COG5: variants seen among roughly 807,000 people sequenced by gnomAD.
The protein encoded by COG5 is conserved oligomeric Golgi complex subunit 5.
Under a neutral mutation model 110.4 loss-of-function variants are expected in COG5, and 86 were observed. That is an observed-to-expected ratio of 0.78 (90% CI 0.65 to 0.93). The LOEUF is 0.93. COG5 is among the 40% of genes least tolerant of loss of function. The probability of loss-of-function intolerance (pLI) is 0.00; values close to 1 mark genes in which losing one functional copy is unlikely to be tolerated. For synonymous variants in COG5, 360 were observed against 334.6 expected, an observed-to-expected ratio of 1.08 and a Z score of -0.83; for missense variants, 1,077 against 987.0, an observed-to-expected ratio of 1.09 and a Z score of -1.22.
chr7:107,331,244 G>A (rs926947026), intron 10 of COG5, among the ~76,000 whole-genome samples: 11 of 152,102 alleles, frequency 7.2e-5, no homozygotes, highest in African/African-American at 2.4e-4. Context: ...GGGAGGCCGA[G>A]ATCACGAGGT....
intron 11 of COG5, among the ~76,000 whole-genome samples, chr7:107,311,370 A>ATTTTTTTTTTTTT (rs71134260): frequency 6.8e-5 from 4 of 58,950 alleles, no homozygotes; most frequent in Non-Finnish European, 1.2e-4. Context: ...GCGTATTTAC[A>ATTTTTTTTTTTTT]TTTTTTTTTT....
chr7:107,235,965 G>C (rs1801156269), intron 18 of COG5, among the ~76,000 whole-genome samples: 2 of 152,266 alleles, frequency 1.3e-5, no homozygotes, highest in African/African-American at 2.4e-5. Context: ...TACTCTACCT[G>C]ATAGAGAGAG....
intron 6 of COG5, among the ~76,000 whole-genome samples, chr7:107,446,066 C>T (rs2129089787): frequency 6.6e-6 from 1 of 152,190 alleles, no homozygotes; most frequent in East Asian, 1.9e-4. Context: ...GAGGGAGCAG[C>T]CATATTCACA....
chr7:107,563,342 C>T (rs1405031981), intron 1 of COG5: 1 of 257,614 alleles, frequency 3.9e-6, no homozygotes, highest in Non-Finnish European at 7.7e-6. Context: ...CTGTACAGTC[C>T]ATTTGTTAAA....
intron 11 of COG5, among the ~76,000 whole-genome samples, chr7:107,303,960 C>G (rs976493539): frequency 2.0e-5 from 3 of 152,022 alleles, no homozygotes; most frequent in Admixed American, 2.0e-4. Flanking sequence ...AAATTAATCA[C>G]TAGTGATTAC....
intron 17 of COG5, among the ~76,000 whole-genome samples, chr7:107,242,280 C>A (rs1290000589): frequency 6.6e-6 from 1 of 152,184 alleles, no homozygotes; most frequent in South Asian, 2.1e-4. Context: ...ACGCCTCACC[C>A]GGGAGCAACA....
At chr7:107,268,879 T>C (rs1034771763) in intron 14 of COG5, among the ~76,000 whole-genome samples, 4 of 152,234 alleles carry the variant, frequency 2.6e-5, no homozygotes, top group Non-Finnish European at 5.9e-5. Flanking sequence ...CCTTATATTT[T>C]AGGTATGTCA....
chr7:107,347,335 G>C (rs918584325), intron 10 of COG5, among the ~76,000 whole-genome samples: 4 of 152,160 alleles, frequency 2.6e-5, no homozygotes, highest in Non-Finnish European at 5.9e-5. Context: ...ATTACCACTG[G>C]GGAGGGGGAT....
chr7:107,205,146 T>C (rs1798666742), intron 21 of COG5, among the ~76,000 whole-genome samples: 1 of 152,194 alleles, frequency 6.6e-6, no homozygotes, highest in African/African-American at 2.4e-5. Flanking sequence ...TCTTCCATAT[T>C]ATAGCAAGAG....
intron 6 of COG5, among the ~76,000 whole-genome samples, chr7:107,485,464 TG>T (rs1425844568): frequency 2.0e-5 from 3 of 152,232 alleles, no homozygotes; most frequent in Non-Finnish European, 4.4e-5. Flanking sequence ...TATTCTTCTA[TG>T]GGTACTATTT....
Position 107,203,478 on chromosome 7 carries a change from G to A in COG5, c.*38C>T, listed in dbSNP as rs754067805. ...GTGTTTAACTGCCAACTATGAATGG[G>A]TTAGCACAAAGTGGAGATGAACAAA... On this transcript the variant is annotated 3_prime_UTR_variant, in exon 22 of 22. Transcript: ENST00000297135. The A allele has an allele frequency of 7.1e-7, 1 of 1,401,620 alleles. No homozygotes were observed. The highest frequency in any genetic ancestry group is 1.0e-6 in the Non-Finnish European group (1 of 986,306). 86.8% of individuals were successfully genotyped at this position (1,401,620 alleles called of 1,614,324 possible).
At chr7:107,446,889 C>T (rs749518809) in intron 6 of COG5, among the ~76,000 whole-genome samples, 22 of 152,108 alleles carry the variant, frequency 1.4e-4, no homozygotes, top group Admixed American at 2.6e-4. Context: ...TGACAAATTA[C>T]AACAAAATTA....
Position 107,474,073 on chromosome 7 carries a change from C to T in COG5, c.538+53164G>A. On this transcript the variant is annotated intron_variant, in intron 6 of 21. Coordinates refer to ENST00000297135, the MANE Select transcript of COG5 (RefSeq NM_006348.5). The surrounding 1 kb of genome is among the most constrained non-coding windows in gnomAD (Gnocchi z 5.7). The stretch of plus-strand genomic sequence containing the variant: ...CTGCTCCAAAAGAATGTGTTTTTCT[C>T]CCATTCTGGAAATCAACATGCAGTC... The T allele has an allele frequency of 6.4e-7, 1 of 1,558,144 alleles. No homozygotes were observed.
At chr7:107,293,987 G>A (rs1005944793) in intron 12 of COG5, among the ~76,000 whole-genome samples, 4 of 152,000 alleles carry the variant, frequency 2.6e-5, no homozygotes, top group African/African-American at 9.7e-5. Context: ...TGGGAGAATC[G>A]CTTGAACCCA....
In COG5 at chr7:107,202,002, C is replaced by T. The variant is rs1798357351; in HGVS notation, c.*1514G>A. 6.6e-6 allele frequency: 1 copy of T among 152,668 alleles called. No individual in the cohort carries two copies. The highest frequency in any genetic ancestry group is 1.5e-5 in the Non-Finnish European group (1 of 68,074). 9.5% of individuals were successfully genotyped at this position (152,668 alleles called of 1,614,324 possible). A position where few individuals can be genotyped will look rare whatever the true frequency, so the allele number is the denominator to read the frequency against. Reference sequence around the variant, plus strand: ...AGGTGGCTGGTGTTGGTGTCCCAGCCTAAGAGCCACCTGCTGCAGTTACCA... The same window carrying T: ...AGGTGGCTGGTGTTGGTGTCCCAGCTTAAGAGCCACCTGCTGCAGTTACCA... On this transcript the variant is annotated 3_prime_UTR_variant, in exon 22 of 22. Transcript: ENST00000297135.
chr7:107,512,247 C>T (rs994859218), intron 6 of COG5, among the ~76,000 whole-genome samples: 5 of 152,100 alleles, frequency 3.3e-5, no homozygotes, highest in African/African-American at 7.2e-5. Flanking sequence ...CCTTATACAC[C>T]AATAACAGAC....
At chr7:107,210,979 G>C (rs1001895402) in intron 20 of COG5, 120 bp downstream of exon 20, 21 of 1,170,612 alleles carry the variant, frequency 1.8e-5, no homozygotes, top group Admixed American at 1.7e-4. Flanking sequence ...GTCAAAGATA[G>C]ACATAAGCAA....
intron 5 of COG5, among the ~76,000 whole-genome samples, chr7:107,535,489 A>T (rs1178480986): frequency 6.6e-6 from 1 of 150,446 alleles, no homozygotes; most frequent in Admixed American, 6.6e-5. Flanking sequence ...ATCACCACTG[A>T]TCCCACAGAA....
At chr7:107,247,314 T>C (rs752943955) in intron 17 of COG5, among the ~76,000 whole-genome samples, 2 of 152,036 alleles carry the variant, frequency 1.3e-5, no homozygotes, top group South Asian at 2.1e-4. Flanking sequence ...ACAACAAATC[T>C]CCATGACACG....
Sources: allele counts gnomAD v4.1 joint callset (sites outside exome capture counted in the v4.1 genomes callset), GRCh38; gene constraint gnomAD v4.1.1; non-coding constraint Gnocchi (gnomAD v3.1); transcripts MANE v1.5; gene names NCBI Gene and HGNC (gene_info 2026-07-23, HGNC 2026-07-21).